The following HECTD4 variants were observed in gnomAD, a reference collection of about 807,000 sequenced individuals.
HECTD4 encodes the protein HECT domain E3 ubiquitin protein ligase 4, also known as probable E3 ubiquitin-protein ligase HECTD4.
A neutral mutation model predicts 471.5 loss-of-function variants in HECTD4; 114 were observed. The ratio of observed to expected loss-of-function variants is 0.24; its 90% CI spans 0.21 to 0.28. HECTD4 has a LOEUF of 0.28. Ranked by LOEUF, HECTD4 falls within the 10% of genes least tolerant of loss-of-function variation. HECTD4 has a pLI of 1.00. For synonymous variants in HECTD4, 2,012 were observed against 2,256.0 expected, an observed-to-expected ratio of 0.89 and a Z score of 3.07; for missense variants, 3,866 against 5,651.5, an observed-to-expected ratio of 0.68 and a Z score of 10.13.
At position 112,250,340 on chromosome 12, in the gene HECTD4, G is replaced by A. The variant is rs775537781; in HGVS notation, c.3754C>T (p.Pro1252Ser). The A allele has an allele frequency of 1.2e-6, 2 of 1,613,886 alleles. No homozygotes were observed. Among genetic ancestry groups the A allele is most frequent in the Non-Finnish European group, 1.7e-6 (2 of 1,179,832 alleles). The stretch of plus-strand genomic sequence containing the variant: ...GGAGAGGGGCTCGGAGTAAGGGCAG[G>A]GGAGATCACGCCATTGGCCTCCACC... ...WQVEANGVIS[P>S]ALTPSPSPLP... is the part of the protein sequence containing the mutation. The change falls in exon 25 of 76, where the codon CCT (proline) becomes TCT (serine). Residue 1252 changes from proline to serine, a missense_variant. By Grantham distance (74) the Pro-to-Ser change is moderately conservative. Coordinates refer to ENST00000682272, the MANE Select transcript of HECTD4 (RefSeq NM_001388303.1).
chr12:112,243,690 C>G lies in HECTD4; in HGVS notation c.4721G>C (p.Arg1574Thr). ...CAGGACACTGTAGGTGGGCTTGTCC[C>G]TGCTGTCCTCAATGGCCAGCGACTG... The part of the protein sequence containing the change: ...LLQSLAIEDS[R>T]DKPTYSVLLG... Residue 1574 changes from arginine to threonine, a missense_variant, in exon 31 of 76, where the codon AGG becomes ACG. By Grantham distance (71) the Arg-to-Thr change is moderately conservative (BLOSUM62 -1). Transcript: ENST00000682272. This position sits in a 1 kb window ranked among gnomAD's most constrained non-coding sequence, Gnocchi z 6.6. The G allele has an allele frequency of 6.2e-7, 1 of 1,613,830 alleles. No individual in the cohort carries two copies. Among genetic ancestry groups the G allele is most frequent in the Non-Finnish European group, 8.5e-7 (1 of 1,179,770 alleles).
At position 112,308,875 on chromosome 12, in the gene HECTD4, G is replaced by A. The variant is rs528422721; in HGVS notation, c.1042C>T (p.Arg348Trp). Residue 348 changes from arginine to tryptophan, a missense_variant, in exon 6 of 76, where the codon CGG (arginine) becomes TGG (tryptophan). Coordinates refer to ENST00000682272, the MANE Select transcript of HECTD4 (RefSeq NM_001388303.1). ...HGTLRGFVYCRNEELEPGWVA... is the reference protein window; with the variant it reads ...HGTLRGFVYCWNEELEPGWVA... ...CATCCTGGTTCCAACTCCTCGTTCCGGCAGTACACAAAACCTCTGTGGAAT... is the reference window on the plus strand; with the variant it reads ...CATCCTGGTTCCAACTCCTCGTTCCAGCAGTACACAAAACCTCTGTGGAAT... 1.4e-4 allele frequency: 221 copies of A among 1,535,942 alleles called. No homozygotes were observed. The African/African-American group carries it at 1.5e-3, about 10-fold the overall frequency.
chr12:112,273,607 A>G (rs761925984), intron 11 of HECTD4, 48 bp downstream of exon 11: 1 of 1,585,194 alleles, frequency 6.3e-7, no homozygotes. Context: ...GTATTCTCTC[A>G]TATTTCAGAG....
In HECTD4 at chr12:112,179,440, G is replaced by T; in HGVS notation, c.10988-43C>A. 6.6e-7 allele frequency: 1 copy of T among 1,508,818 alleles called. No homozygotes were observed. Among genetic ancestry groups the T allele is most frequent in the Non-Finnish European group, 9.1e-7 (1 of 1,099,004 alleles). The allele number at this position is 1,508,818 out of a possible 1,614,324, so 93.5% of individuals were successfully genotyped here. On this transcript the variant is annotated intron_variant, in intron 62 of 75. Transcript: ENST00000682272. This position sits in a 1 kb window ranked among gnomAD's most constrained non-coding sequence, Gnocchi z 4.3. ...GGCAAAACAATTCTGCCGTGAACAT[G>T]CATCGGGACAAGCCCTGCGAGCATT...
intron 55 of HECTD4, among the ~76,000 whole-genome samples, chr12:112,198,604 G>C (rs1293542071): frequency 6.6e-6 from 1 of 152,210 alleles, no homozygotes; most frequent in Non-Finnish European, 1.5e-5. Flanking sequence ...AATGGCACTT[G>C]CTGATAGCTC....
intron 7 of HECTD4, among the ~76,000 whole-genome samples, chr12:112,298,533 C>T (rs2135671092): frequency 6.8e-6 from 1 of 147,226 alleles, no homozygotes; most frequent in East Asian, 2.0e-4. Context: ...TGCATGTTGC[C>T]CAGGCTGGTC....
In HECTD4 at chr12:112,240,024, A is replaced by C. The variant is rs762714518; in HGVS notation, c.4962T>G (p.Ile1654Met). 2 of 1,613,676 alleles carry C rather than the reference A, an allele frequency of 1.2e-6. No individual in the cohort carries two copies. Among genetic ancestry groups the C allele is most frequent in the Non-Finnish European group, 1.7e-6 (2 of 1,179,696 alleles). ...VTMVLQGGPR[I>M]EELTCGGMVE... ...CCATCCCACCACATGTGAGTTCTTCAATTCTGTGAAAGAGAAACCAAAGCT... is the reference window on the plus strand; with the variant it reads ...CCATCCCACCACATGTGAGTTCTTCCATTCTGTGAAAGAGAAACCAAAGCT... Residue 1654 changes from isoleucine to methionine, a missense_variant, in exon 33 of 76, where the codon ATT (isoleucine) becomes ATG (methionine). By Grantham distance (10) the Ile-to-Met change is conservative (BLOSUM62 1). Transcript: ENST00000682272.
At position 112,217,316 on chromosome 12, in the gene HECTD4, CAT is replaced by C. The variant is rs200020782; in HGVS notation, c.7075-123_7075-122del. On this transcript the variant is annotated intron_variant, in intron 45 of 75. Coordinates refer to ENST00000682272, the MANE Select transcript of HECTD4 (RefSeq NM_001388303.1). The stretch of plus-strand genomic sequence containing the variant: ...ATATAGGCATACACACACACACACA[CAT>C]ACACACACACACACACATACACACA... 542 of 520,862 alleles carry C rather than the reference CAT, an allele frequency of 1.0e-3. 4 individuals are homozygous for C. Among genetic ancestry groups the C allele is most frequent in the East Asian group, 8.6e-3 (198 of 23,106 alleles). 32.3% of individuals were successfully genotyped at this position (520,862 alleles called of 1,614,324 possible). A position where few individuals can be genotyped will look rare whatever the true frequency, so the allele number is the denominator to read the frequency against.
Position 112,319,215 on chromosome 12 carries a change from T to C in HECTD4, c.695+10A>G, listed in dbSNP as rs2135699674. The C allele has an allele frequency of 6.5e-7, 1 of 1,535,842 alleles. No individual in the cohort carries two copies. Among genetic ancestry groups the C allele is most frequent in the Admixed American group, 2.0e-5 (1 of 50,976 alleles). On this transcript the variant is annotated intron_variant, in intron 2 of 75. Transcript: ENST00000682272. This position sits in a 1 kb window ranked among gnomAD's most constrained non-coding sequence, Gnocchi z 5.3. ...CAAGGTCACCAAATGATACATTCGA[T>C]TTTCCTTACCTGGCACAAGCCAAAG... is the stretch of plus-strand genomic sequence containing the variant.
At chr12:112,222,188 T>C (rs185495382) in intron 44 of HECTD4, among the ~76,000 whole-genome samples, 120 of 152,320 alleles carry the variant, frequency 7.9e-4, no homozygotes, top group African/African-American at 2.8e-3. Context: ...CCCAAAGTGC[T>C]GAGATTACAG....
chr12:112,359,366 C>A (rs2036409061), intron 1 of HECTD4, among the ~76,000 whole-genome samples: 1 of 151,772 alleles, frequency 6.6e-6, no homozygotes. Flanking sequence ...ACTCTCAGGA[C>A]CACCCCCCTC....
rs374292465 is a variant in HECTD4 at position 112,351,124 on chromosome 12, C to A, written c.177+30828G>T. On this transcript the variant is annotated intron_variant, in intron 1 of 75. Coordinates refer to ENST00000682272, the MANE Select transcript of HECTD4 (RefSeq NM_001388303.1). ...GGTTTATTTCCCATGTCTTGCAGAT[C>A]TGAAGATCTGTACCTAGCTTTCTGT... Among the ~76,000 whole-genome samples, 7 of 152,318 alleles carry A rather than the reference C, an allele frequency of 4.6e-5. No individual in the cohort carries two copies. In the East Asian group the frequency reaches 1.2e-3, roughly 25 times the overall value.
chr12:112,169,991 T>C (rs1474737788), intron 69 of HECTD4: 1 of 534,532 alleles, frequency 1.9e-6, no homozygotes, highest in Non-Finnish European at 3.4e-6. Flanking sequence ...CTATACGCTG[T>C]GGCAGAGACT....
intron 1 of HECTD4, among the ~76,000 whole-genome samples, chr12:112,373,260 G>A (rs747512426): frequency 1.2e-4 from 19 of 152,066 alleles, no homozygotes; most frequent in Admixed American, 2.0e-4. Context: ...ATAATCCTTG[G>A]CCAGGCACGG....
chr12:112,192,863 TGG>T, intron 58 of HECTD4, 98 bp from the exon 59 acceptor site: 1 of 1,228,966 alleles, frequency 8.1e-7, no homozygotes, highest in East Asian at 2.5e-5. Context: ...AGATGAGAAC[TGG>T]GCCCAAGTCA....
At chr12:112,366,833 T>C (rs1392659311) in intron 1 of HECTD4, among the ~76,000 whole-genome samples, 1 of 143,160 alleles carries the variant, frequency 7.0e-6, no homozygotes, top group Non-Finnish European at 1.5e-5. Flanking sequence ...TGAGCTGAGA[T>C]CGCGCCATTG....
chr12:112,282,771 G>GCAA (rs1478784894), intron 8 of HECTD4, among the ~76,000 whole-genome samples: 1 of 152,202 alleles, frequency 6.6e-6, no homozygotes, highest in Non-Finnish European at 1.5e-5. Flanking sequence ...GCTTGGTCAA[G>GCAA]ACTGTATTTA....
intron 1 of HECTD4, among the ~76,000 whole-genome samples, chr12:112,347,821 T>C (rs1409307859): frequency 6.6e-6 from 1 of 152,206 alleles, no homozygotes; most frequent in East Asian, 1.9e-4. Flanking sequence ...AAGGACAGTA[T>C]GTTAGCCCAA....
At position 112,193,130 on chromosome 12, in the gene HECTD4, T is replaced by G; in HGVS notation, c.9017A>C (p.Asp3006Ala). Residue 3006 changes from aspartate to alanine, a missense_variant, in exon 58 of 76, where the codon GAC (aspartate) becomes GCC (alanine). Around this residue, in one of 16 missense-constraint regions of HECTD4, gnomAD observed 364 missense variants for 413.2 expected, o/e 0.88. Transcript: ENST00000682272. This position sits in a 1 kb window ranked among gnomAD's most constrained non-coding sequence, Gnocchi z 5.2. ...AAAAGCTGCCCCGGGGAAATTCACG[T>G]CCATGTTGACTTTGGATTCGGAAAT... ...FPISESKVNM[D>A]VNFPGAAFVV... 4.3e-6 allele frequency: 7 copies of G among 1,613,974 alleles called. No individual in the cohort carries two copies. Among genetic ancestry groups the G allele is most frequent in the Non-Finnish European group, 5.9e-6 (7 of 1,179,876 alleles).
Sources: allele counts gnomAD v4.1 joint callset (sites outside exome capture counted in the v4.1 genomes callset), GRCh38; gene constraint gnomAD v4.1.1; regional missense constraint gnomAD v4.1.1; non-coding constraint Gnocchi (gnomAD v3.1); transcripts MANE v1.5; gene names NCBI Gene and HGNC (gene_info 2026-07-23, HGNC 2026-07-21).